ANO6: variants seen among roughly 807,000 people sequenced by gnomAD.
ANO6 encodes anoctamin 6.
In ANO6, 106 loss-of-function variants were observed where a neutral mutation model predicts 117.5. The ratio of observed to expected loss-of-function variants is 0.90; its 90% confidence interval spans 0.77 to 1.06. The LOEUF is 1.06. Ranked by LOEUF, ANO6 falls within the 50% of genes least tolerant of loss-of-function variation. ANO6 has a pLI of 0.00. For missense variants in ANO6, 955 were observed against 1,121.1 expected (o/e 0.85, Z 2.12); for synonymous variants, 367 against 385.1 (o/e 0.95, Z 0.55).
chr12:45,291,936 C>T (rs945386564), intron 1 of ANO6, among the ~76,000 whole-genome samples: 3 of 152,106 alleles, frequency 2.0e-5, no homozygotes, highest in South Asian at 2.1e-4. Flanking sequence ...ACATAATTAT[C>T]GTACGATCCA....
chr12:45,247,536 A>G (rs1947843852), intron 1 of ANO6, among the ~76,000 whole-genome samples: 1 of 152,152 alleles, frequency 6.6e-6, no homozygotes, highest in Non-Finnish European at 1.5e-5. Flanking sequence ...TCAGTCTACT[A>G]TCTTAGTCGG....
chr12:45,336,917 A>G (rs1457511494), intron 3 of ANO6, among the ~76,000 whole-genome samples: 1 of 152,042 alleles, frequency 6.6e-6, no homozygotes, highest in Non-Finnish European at 1.5e-5. Flanking sequence ...AAGACCTTCC[A>G]GTGAGACAAG....
intron 3 of ANO6, among the ~76,000 whole-genome samples, chr12:45,332,005 A>G (rs1360043156): frequency 3.3e-5 from 5 of 151,338 alleles, no homozygotes; most frequent in African/African-American, 1.2e-4. Context: ...TTTCTCTGTT[A>G]CCTCCCTTTC....
At chr12:45,216,751 G>C (rs1179573039) in intron 1 of ANO6, among the ~76,000 whole-genome samples, 1 of 152,262 alleles carries the variant, frequency 6.6e-6, no homozygotes, top group African/African-American at 2.4e-5. Context: ...TTGCCCAGGA[G>C]CCTCGGCACT....
chr12:45,433,566 A>G (rs1943672883), downstream of ANO6, among the ~76,000 whole-genome samples: 1 of 152,208 alleles, frequency 6.6e-6, no homozygotes, highest in Non-Finnish European at 1.5e-5. Context: ...ATTGATAAGC[A>G]ATGGGGAACC....
intron 1 of ANO6, among the ~76,000 whole-genome samples, chr12:45,236,656 CTT>C (rs1423123869): frequency 6.6e-6 from 1 of 152,188 alleles, no homozygotes; most frequent in South Asian, 2.1e-4. Flanking sequence ...GGTTCCAAGT[CTT>C]TGCTATTGTG....
chr12:45,376,637 G>A lies in ANO6; in HGVS notation c.1105-1416G>A, dbSNP rs188664534. ...AAACACCGCATATTCTCACTCATAG[G>A]TAGGAATTGAACAATGAGATCACAT... is the stretch of plus-strand genomic sequence containing the variant. On this transcript the variant is annotated intron_variant, in intron 9 of 19. Transcript: ENST00000320560. 8.9e-3 allele frequency among the ~76,000 whole-genome samples: 1,318 copies of A among 148,402 alleles called. 20 individuals carry two copies. The highest frequency in any genetic ancestry group is 0.031 in the African/African-American group (1,240 of 39,918).
intron 12 of ANO6, among the ~76,000 whole-genome samples, chr12:45,393,992 A>G (rs879103274): frequency 6.6e-6 from 1 of 152,214 alleles, no homozygotes. Flanking sequence ...TTCACACATA[A>G]CAATATTAAA....
chr12:45,242,569 G>T (rs2137168318), intron 1 of ANO6, among the ~76,000 whole-genome samples: 1 of 152,326 alleles, frequency 6.6e-6, no homozygotes, highest in East Asian at 1.9e-4. Context: ...CTCACCCTCT[G>T]TGGGCTGCAC....
In ANO6 at chr12:45,367,729, T is replaced by C; in HGVS notation, c.1040T>C (p.Met347Thr). Residue 347 changes from methionine (M) to threonine (T), a missense_variant, in exon 9 of 20, where the codon ATG becomes ACG. Physicochemically the swap from Met to Thr is moderately conservative, Grantham distance 81. Coordinates refer to ENST00000320560, the MANE Select transcript of ANO6 (RefSeq NM_001025356.3). The part of the protein sequence containing the change: ...CHPDIGGKII[M>T]CPQCDRLCPF... ...CCTGATATTGGTGGCAAGATCATAA[T>C]GTGTCCTCAGTGTGATAGGCTTTGT... The C allele has an allele frequency of 1.2e-6, 2 of 1,613,670 alleles. No individual in the cohort carries two copies. Among genetic ancestry groups the C allele is most frequent in the Non-Finnish European group, 1.7e-6 (2 of 1,179,850 alleles).
intron 3 of ANO6, among the ~76,000 whole-genome samples, chr12:45,344,042 T>C (rs1941059768): frequency 2.6e-5 from 4 of 152,170 alleles, no homozygotes; most frequent in Admixed American, 2.6e-4. Flanking sequence ...TCTGCTATAA[T>C]GGATGTGGGC....
At chr12:45,378,451 C>T (rs1220218849) in intron 10 of ANO6, among the ~76,000 whole-genome samples, 2 of 152,102 alleles carry the variant, frequency 1.3e-5, no homozygotes, top group East Asian at 1.9e-4. Context: ...ACTAGAAACC[C>T]GGTTTGGTCT....
At chr12:45,344,990 A>G (rs1014479709) in intron 3 of ANO6, among the ~76,000 whole-genome samples, 1 of 152,194 alleles carries the variant, frequency 6.6e-6, no homozygotes, top group South Asian at 2.1e-4. Flanking sequence ...TAGGAAAGCT[A>G]TACCTCAAAC....
chr12:45,431,090 C>G lies in ANO6; in HGVS notation c.*1779C>G. 5.1e-6 allele frequency: 5 copies of G among 985,410 alleles called. No individual in the cohort carries two copies. The highest frequency in any genetic ancestry group is 6.0e-6 in the Non-Finnish European group (5 of 829,944). 61.0% of individuals were successfully genotyped at this position (985,410 alleles called of 1,614,324 possible). ...GGATCCATCAAAGCAGTATTGTAGG[C>G]TTTTGAATTGTCCCAGTGGATCCGG... is the stretch of plus-strand genomic sequence containing the variant. On this transcript the variant is annotated 3_prime_UTR_variant, in exon 20 of 20. Transcript: ENST00000320560.
intron 10 of ANO6, among the ~76,000 whole-genome samples, chr12:45,381,836 C>T (rs73281549): frequency 0.013 from 2,036 of 151,980 alleles, 39 homozygotes; most frequent in African/African-American, 0.047. Flanking sequence ...CTTATAGCAC[C>T]GACTAGAGTT....
intron 1 of ANO6, among the ~76,000 whole-genome samples, chr12:45,285,144 CAT>C (rs1938867390): frequency 1.3e-5 from 2 of 152,304 alleles, no homozygotes; most frequent in African/African-American, 4.8e-5. Flanking sequence ...AATATAATCA[CAT>C]GATTGAAGTC....
intron 1 of ANO6, among the ~76,000 whole-genome samples, chr12:45,227,481 T>G (rs976969824): frequency 4.6e-5 from 7 of 152,158 alleles, no homozygotes; most frequent in Admixed American, 2.0e-4. Context: ...TCTCAGCCTC[T>G]CTGAGCCTGT....
intron 16 of ANO6, 114 bp downstream of exon 16, chr12:45,409,601 G>A: frequency 7.7e-7 from 1 of 1,291,756 alleles, no homozygotes. Context: ...ATGAAGAAGA[G>A]TATGTTTTTC....
intron 1 of ANO6, among the ~76,000 whole-genome samples, chr12:45,287,985 G>A (rs1390855033): frequency 6.6e-6 from 1 of 152,096 alleles, no homozygotes; most frequent in Non-Finnish European, 1.5e-5. Flanking sequence ...ATGGCAAGGG[G>A]GAGAGTTAAA....
Sources: gnomAD v4.1 joint callset for allele counts (sites outside exome capture counted in the v4.1 genomes callset) on GRCh38, gnomAD v4.1.1 for gene constraint, MANE v1.5 for transcripts, NCBI Gene and HGNC (gene_info 2026-07-23, HGNC 2026-07-21) for gene names.